Variants in TIAM2 observed in about 807,000 individuals in gnomAD.
TIAM2 encodes TIAM Rac1 associated GEF 2.
In TIAM2, 80 loss-of-function variants were observed where a neutral mutation model predicts 152.9. That is an observed-to-expected ratio of 0.52 (90% confidence interval 0.44 to 0.63). TIAM2 has a LOEUF of 0.63. TIAM2 is among the 30% of genes least tolerant of loss of function. The pLI, the probability that TIAM2 is intolerant of heterozygous loss-of-function variation, is 0.00. For missense variants in TIAM2, 1,965 were observed against 2,120.1 expected (o/e 0.93, Z 1.44); for synonymous variants, 804 against 838.0 (o/e 0.96, Z 0.70).
chr6:155,061,694 G>T (rs1777582573), intron 1 of TIAM2, among the ~76,000 whole-genome samples: 1 of 152,132 alleles, frequency 6.6e-6, no homozygotes, highest in Admixed American at 6.5e-5. Flanking sequence ...GAGTTATTTA[G>T]ATCAGCTCCT....
At chr6:155,115,958 A>G (rs6922400) in intron 2 of TIAM2, among the ~76,000 whole-genome samples, 3,536 of 152,272 alleles carry the variant, frequency 0.023, 135 homozygotes, top group African/African-American at 0.081. Context: ...CTACAAATAC[A>G]AAAATTAGCT....
intron 1 of TIAM2, among the ~76,000 whole-genome samples, chr6:155,078,733 T>C (rs999355742): frequency 2.6e-5 from 4 of 152,230 alleles, no homozygotes; most frequent in African/African-American, 9.6e-5. Flanking sequence ...CCCAGTCTGC[T>C]CTCATTTAAT....
At chr6:155,125,274 A>G (rs1156487497) in intron 2 of TIAM2, among the ~76,000 whole-genome samples, 1 of 152,128 alleles carries the variant, frequency 6.6e-6, no homozygotes, top group East Asian at 1.9e-4. Flanking sequence ...CTGTCTCAAA[A>G]AAAATAAAAG....
intron 7 of TIAM2, among the ~76,000 whole-genome samples, chr6:155,158,174 G>A (rs980477629): frequency 6.6e-6 from 1 of 152,118 alleles, no homozygotes; most frequent in Non-Finnish European, 1.5e-5. Flanking sequence ...TGACTAAATG[G>A]CAGAAAATAT....
chr6:155,251,104 A>C, intron 22 of TIAM2, 83 bp downstream of exon 22: 86 of 1,190,354 alleles, frequency 7.2e-5, no homozygotes, highest in Non-Finnish European at 9.8e-5. Flanking sequence ...AGTCCAGCTC[A>C]CTCCTGAGCT....
intron 1 of TIAM2, among the ~76,000 whole-genome samples, chr6:155,021,017 G>A (rs1776469090): frequency 6.6e-6 from 1 of 152,170 alleles, no homozygotes; most frequent in African/African-American, 2.4e-5. Context: ...TGCTTAGCGT[G>A]ATGTCCTCAA....
At chr6:155,128,801 GGCTGCAGTGA>G (rs891655491) in intron 3 of TIAM2, among the ~76,000 whole-genome samples, 10 of 151,960 alleles carry the variant, frequency 6.6e-5, no homozygotes, top group African/African-American at 2.4e-4. Flanking sequence ...AGGAAGTCGA[GGCTGCAGTGA>G]GCTGTGACTG....
chr6:155,053,084 GATATA>G (rs1044494085), intron 1 of TIAM2, among the ~76,000 whole-genome samples: 49 of 152,214 alleles, frequency 3.2e-4, no homozygotes, highest in Non-Finnish European at 6.8e-4. Flanking sequence ...TACTTTTTAT[GATATA>G]ATAGGATAAA....
rs775274276 is a variant in TIAM2, at chr6:155,031,461, GC to G, written c.-209+35971del. On this transcript the variant is annotated intron_variant, in intron 1 of 26. Coordinates refer to ENST00000682666, the MANE Select transcript of TIAM2 (RefSeq NM_012454.4). ...GATGAGGCTGGGAGTGGTGGCTCAT[GC>G]CTCTAATCCCAGCGCTGTGGGAGGC... 2.0e-4 allele frequency among the ~76,000 whole-genome samples: 30 copies of G among 152,250 alleles called. 1 individual carries two copies. Among genetic ancestry groups the G allele is most frequent in the African/African-American group, 6.5e-4 (27 of 41,550 alleles).
chr6:155,066,765 T>C (rs1487426908), intron 1 of TIAM2, among the ~76,000 whole-genome samples: 2 of 151,968 alleles, frequency 1.3e-5, no homozygotes, highest in Admixed American at 1.3e-4. Flanking sequence ...TTTGTTTGTT[T>C]GTTTTTTTGA....
At chr6:155,247,818 CTG>C (rs1448861414) in intron 19 of TIAM2, among the ~76,000 whole-genome samples, 180 bp from the exon 20 acceptor site, 1 of 152,200 alleles carries the variant, frequency 6.6e-6, no homozygotes, top group African/African-American at 2.4e-5. Context: ...TCTGTCAGGG[CTG>C]TGAGGCGGAA....
chr6:155,201,840 T>A (rs1283114131), intron 14 of TIAM2, among the ~76,000 whole-genome samples: 3 of 152,260 alleles, frequency 2.0e-5, no homozygotes, highest in Admixed American at 1.3e-4. Flanking sequence ...TTTACTGCTC[T>A]CTGTTTATTG....
Position 155,114,046 on chromosome 6 carries a change from TTTTC to T in TIAM2, c.-117-13440_-117-13437del, listed in dbSNP as rs1385606962. Among the ~76,000 whole-genome samples the T allele has an allele frequency of 3.3e-3, 202 of 62,028 alleles. 1 individual carries two copies. The highest frequency in any genetic ancestry group is 8.1e-3 in the Middle Eastern group (1 of 124). The allele number at this position is 62,028 out of a possible 152,430, so 40.7% of individuals were successfully genotyped here. A position where few individuals can be genotyped will look rare whatever the true frequency, so the allele number is the denominator to read the frequency against. On this transcript the variant is annotated intron_variant, in intron 2 of 26. Coordinates refer to ENST00000682666, the MANE Select transcript of TIAM2 (RefSeq NM_012454.4). ...TATATATATATATATATTTTTTTTT[TTTTC>T]TTTTTTTTTTTTTTTTTTTTTGAAA...
intron 1 of TIAM2, among the ~76,000 whole-genome samples, chr6:155,089,083 A>T (rs1316270892): frequency 1.3e-5 from 2 of 152,228 alleles, no homozygotes; most frequent in Non-Finnish European, 2.9e-5. Flanking sequence ...ACAATGAAAA[A>T]AAAGAGGTAC....
chr6:155,090,864 C>T (rs1778286931), intron 2 of TIAM2, among the ~76,000 whole-genome samples: 1 of 152,046 alleles, frequency 6.6e-6, no homozygotes, highest in South Asian at 2.1e-4. Context: ...AGGTCAGATT[C>T]CAACTGTGAC....
intron 1 of TIAM2, chr6:155,005,043 A>G: frequency 1.9e-6 from 1 of 517,936 alleles, no homozygotes; most frequent in South Asian, 3.5e-5. Flanking sequence ...ACCCATGATG[A>G]GCCAGTGGAT....
chr6:155,048,268 T>A (rs1464371658), intron 1 of TIAM2, among the ~76,000 whole-genome samples: 2 of 152,146 alleles, frequency 1.3e-5, no homozygotes, highest in Admixed American at 6.6e-5. Flanking sequence ...TTTTTAATTT[T>A]AAAAATTTAT....
At chr6:155,114,038 T>TATATATA (rs1562320509) in intron 2 of TIAM2, among the ~76,000 whole-genome samples, 4 of 22,862 alleles carry the variant, frequency 1.7e-4, no homozygotes, top group African/African-American at 2.6e-4. Context: ...ATATATATAT[T>TATATATA]TTTTTTTTTT....
chr6:154,997,826 G>T (rs6928659), intron 1 of TIAM2, among the ~76,000 whole-genome samples: 1 of 151,402 alleles, frequency 6.6e-6, no homozygotes, highest in Non-Finnish European at 1.5e-5. Flanking sequence ...TTTGTAGAGA[G>T]GGGGTTTCGC....
Sources: allele counts gnomAD v4.1 joint callset (sites outside exome capture counted in the v4.1 genomes callset), GRCh38; gene constraint gnomAD v4.1.1; transcripts MANE v1.5; gene names NCBI Gene and HGNC (gene_info 2026-07-23, HGNC 2026-07-21).